HDAC9: variants seen among roughly 807,000 people sequenced by gnomAD.
HDAC9 encodes MEF-2 interacting transcription repressor (MITR) protein.
A neutral mutation model predicts 139.4 loss-of-function variants in HDAC9; 41 were observed. The observed-to-expected ratio is 0.29, with a 90% CI of 0.23 to 0.38. The LOEUF (loss-of-function observed/expected upper bound fraction) is 0.38. Ranked by LOEUF, HDAC9 falls within the 10% of genes least tolerant of loss-of-function variation. The pLI, the probability that HDAC9 is intolerant of heterozygous loss-of-function variation, is 1.00. For missense variants in HDAC9, 1,147 were observed against 1,297.0 expected, an observed-to-expected ratio of 0.88 and a Z score of 1.78; for synonymous variants, 517 against 476.2, an observed-to-expected ratio of 1.09 and a Z score of -1.12.
At chr7:18,826,211 A>G (rs968954939) in intron 17 of HDAC9, among the ~76,000 whole-genome samples, 2 of 152,134 alleles carry the variant, frequency 1.3e-5, no homozygotes, top group Non-Finnish European at 2.9e-5. Flanking sequence ...TTTACAAGAA[A>G]GTATTGTGGG....
chr7:18,401,272 A>G (rs975786043), intron 1 of HDAC9, among the ~76,000 whole-genome samples: 4 of 152,134 alleles, frequency 2.6e-5, no homozygotes, highest in African/African-American at 9.6e-5. Context: ...CTTATACTCA[A>G]GGAAAGGTCA....
At chr7:18,876,758 A>C (rs745831760) in intron 22 of HDAC9, among the ~76,000 whole-genome samples, 48 of 151,190 alleles carry the variant, frequency 3.2e-4, no homozygotes, top group Non-Finnish European at 5.7e-4. Context: ...GCTGGAGCAC[A>C]GTGGGATGAT....
intron 16 of HDAC9, among the ~76,000 whole-genome samples, chr7:18,789,286 G>GCGCACGCACACACACACA: frequency 6.7e-6 from 1 of 148,506 alleles, no homozygotes; most frequent in Non-Finnish European, 1.5e-5. Context: ...ACACATACAC[G>GCGCACGCACACACACACA]CACACACACA....
At chr7:18,350,312 GA>G (rs915498811) in intron 1 of HDAC9, among the ~76,000 whole-genome samples, 40 of 152,002 alleles carry the variant, frequency 2.6e-4, no homozygotes, top group African/African-American at 8.5e-4. Context: ...TGGATTCCAT[GA>G]AAAAAATGGA....
intron 11 of HDAC9, 103 bp downstream of exon 11, chr7:18,648,786 G>A (rs1036487060): frequency 1.0e-6 from 1 of 956,446 alleles, no homozygotes; most frequent in Admixed American, 2.2e-5. Flanking sequence ...GGGAGTCACA[G>A]CAAAAAGGAT....
chr7:18,422,550 G>A (rs751154421), intron 1 of HDAC9, among the ~76,000 whole-genome samples: 52 of 152,100 alleles, frequency 3.4e-4, no homozygotes, highest in Non-Finnish European at 6.8e-4. Context: ...CACTCTATTA[G>A]GCAAGAATGA....
At position 18,841,329 on chromosome 7, in the gene HDAC9, A is replaced by G. The variant is rs1796569087; in HGVS notation, c.2684+5332A>G. On this transcript the variant is annotated intron_variant, in intron 21 of 25. Coordinates refer to ENST00000686413, the MANE Select transcript of HDAC9 (RefSeq NM_178425.4). The stretch of plus-strand genomic sequence containing the variant: ...TTTTTTTGTTCTTGTTCTTATTTTT[A>G]ATATTTTAATATAATTTCATGATAA... 2.0e-5 allele frequency among the ~76,000 whole-genome samples: 3 copies of G among 152,182 alleles called. No homozygotes were observed. In the South Asian group the frequency reaches 6.2e-4, roughly 32 times the overall value.
intron 17 of HDAC9, among the ~76,000 whole-genome samples, chr7:18,804,373 C>T (rs1392619116): frequency 2.0e-5 from 3 of 152,096 alleles, no homozygotes; most frequent in Non-Finnish European, 4.4e-5. Context: ...ACACGTCCAC[C>T]CTCACACATA....
intron 1 of HDAC9, among the ~76,000 whole-genome samples, chr7:18,409,299 G>A (rs1027041182): frequency 1.3e-5 from 2 of 152,086 alleles, no homozygotes; most frequent in African/African-American, 4.8e-5. Context: ...TCCTGTGCTA[G>A]TAATATATCA....
intron 2 of HDAC9, among the ~76,000 whole-genome samples, chr7:18,565,271 C>T (rs1821934090): frequency 6.6e-6 from 1 of 152,212 alleles, no homozygotes; most frequent in Non-Finnish European, 1.5e-5. Flanking sequence ...GTTGGGATTA[C>T]AGGCGTGAGC....
chr7:18,550,201 A>G (rs978997533), intron 2 of HDAC9, among the ~76,000 whole-genome samples: 4 of 152,202 alleles, frequency 2.6e-5, no homozygotes, highest in Non-Finnish European at 5.9e-5. Context: ...AGTGATAGAA[A>G]GCATGAAGTA....
chr7:18,615,066 A>G (rs1234121180), intron 6 of HDAC9, among the ~76,000 whole-genome samples: 1 of 152,202 alleles, frequency 6.6e-6, no homozygotes, highest in South Asian at 2.1e-4. Flanking sequence ...GGTTTTCCTC[A>G]GTGTCTTATT....
chr7:18,206,930 CTTTT>C (rs58248823), intron 2 of HDAC9, among the ~76,000 whole-genome samples: 3 of 124,548 alleles, frequency 2.4e-5, no homozygotes, highest in Admixed American at 8.3e-5. Flanking sequence ...GATATCTTTT[CTTTT>C]TTTTTTTTTT....
At chr7:18,930,178 C>G (rs1309986785) in intron 22 of HDAC9, among the ~76,000 whole-genome samples, 1 of 152,080 alleles carries the variant, frequency 6.6e-6, no homozygotes, top group Non-Finnish European at 1.5e-5. Flanking sequence ...CCCGTTCCAT[C>G]TCTATGTCCA....
chr7:18,987,744 C>A lies in HDAC9; in HGVS notation c.3171-8279C>A, dbSNP rs777598279. 1.3e-3 allele frequency among the ~76,000 whole-genome samples: 190 copies of A among 151,932 alleles called. 1 individual carries two copies. The highest frequency in any genetic ancestry group is 2.8e-3 in the Admixed American group (43 of 15,254). ...CTATTGATTATTGCCACAATTTCAG[C>A]TCCTGTTATTGGTCTATTCAGAGAT... On this transcript the variant is annotated intron_variant, in intron 25 of 25. Transcript: ENST00000686413.
At chr7:18,338,442 A>C (rs1243187755) in intron 1 of HDAC9, among the ~76,000 whole-genome samples, 1 of 151,636 alleles carries the variant, frequency 6.6e-6, no homozygotes, top group South Asian at 2.1e-4. Flanking sequence ...TACTTAATAA[A>C]TATTTGGCAG....
upstream of HDAC9, among the ~76,000 whole-genome samples, chr7:18,287,401 T>A (rs1188859013): frequency 6.6e-6 from 1 of 152,262 alleles, no homozygotes; most frequent in Non-Finnish European, 1.5e-5. Context: ...TACCATACTC[T>A]GACATTACAT....
intron 1 of HDAC9, among the ~76,000 whole-genome samples, chr7:18,374,197 G>A (rs1784807627): frequency 7.2e-6 from 1 of 138,410 alleles, no homozygotes; most frequent in Non-Finnish European, 1.5e-5. Flanking sequence ...GTATGTATGT[G>A]TGTATATATA....
chr7:18,642,923 A>G (rs1786164194), intron 8 of HDAC9, among the ~76,000 whole-genome samples: 1 of 152,190 alleles, frequency 6.6e-6, no homozygotes, highest in Middle Eastern at 3.4e-3. Flanking sequence ...CCCCTAGTCC[A>G]TATCTTAGTG....
Sources: gnomAD v4.1 joint callset for allele counts (sites outside exome capture counted in the v4.1 genomes callset) on GRCh38, gnomAD v4.1.1 for gene constraint, MANE v1.5 for transcripts, NCBI Gene and HGNC (gene_info 2026-07-23, HGNC 2026-07-21) for gene names.